The following CEP83 variants were observed in gnomAD, a reference collection of about 807,000 sequenced individuals.
CEP83 encodes the protein centrosomal protein 83.
CEP83 carries 70 observed loss-of-function variants against 101.9 expected under a neutral mutation model. The observed-to-expected ratio is 0.69, with a 90% CI of 0.57 to 0.84. The LOEUF (loss-of-function observed/expected upper bound fraction) is 0.84, where lower values mean the gene tolerates loss of function less well. CEP83 is among the 40% of genes least tolerant of loss of function. The pLI is 0.00. For synonymous variants in CEP83, 264 were observed against 267.9 expected, an observed-to-expected ratio of 0.99 and a Z score of 0.14; for missense variants, 715 against 787.2, an observed-to-expected ratio of 0.91 and a Z score of 1.10.
At chr12:94,408,994 A>G (rs141372203) in intron 4 of CEP83, among the ~76,000 whole-genome samples, 1 of 152,046 alleles carries the variant, frequency 6.6e-6, no homozygotes, top group East Asian at 1.9e-4. Flanking sequence ...AATATCTCTT[A>G]TATCTTTTTC....
chr12:94,444,067 T>C (rs1439337149), intron 1 of CEP83, among the ~76,000 whole-genome samples: 1 of 152,164 alleles, frequency 6.6e-6, no homozygotes, highest in Non-Finnish European at 1.5e-5. Flanking sequence ...CACTGTTTGC[T>C]AACCAATTAT....
At chr12:94,302,138 T>C (rs894915524), downstream of CEP83, among the ~76,000 whole-genome samples, 1 of 152,196 alleles carries the variant, frequency 6.6e-6, no homozygotes, top group East Asian at 1.9e-4. Context: ...ATTGCAACTA[T>C]TTCCCATTAC....
chr12:94,293,312 A>T, the CEP83 span, among the ~76,000 whole-genome samples: 1 of 152,230 alleles, frequency 6.6e-6, no homozygotes, highest in Non-Finnish European at 1.5e-5. Flanking sequence ...CTGTGGACTA[A>T]GGACCTACAT....
At chr12:94,396,956 T>C (rs1299643625) in intron 6 of CEP83, among the ~76,000 whole-genome samples, 1 of 152,236 alleles carries the variant, frequency 6.6e-6, no homozygotes, top group Non-Finnish European at 1.5e-5. Flanking sequence ...TTGAAACTAT[T>C]TGCTGTTTCA....
chr12:94,434,916 A>T (rs1406723328), intron 2 of CEP83, among the ~76,000 whole-genome samples: 1 of 152,206 alleles, frequency 6.6e-6, no homozygotes, highest in Non-Finnish European at 1.5e-5. Flanking sequence ...GGTGTTCAAA[A>T]AGTTTCAGAT....
the CEP83 span, among the ~76,000 whole-genome samples, chr12:94,274,068 C>T: frequency 6.1e-5 from 9 of 148,036 alleles, no homozygotes; most frequent in African/African-American, 2.0e-4. Context: ...CACCTGTAAT[C>T]CCAGCACTTT....
At chr12:94,329,990 C>A (rs2059135287) in intron 14 of CEP83, among the ~76,000 whole-genome samples, 1 of 152,142 alleles carries the variant, frequency 6.6e-6, no homozygotes, top group Non-Finnish European at 1.5e-5. Context: ...TCACTCCAAC[C>A]ATCAGCAACA....
chr12:94,436,504 G>T (rs1447509251), intron 1 of CEP83, among the ~76,000 whole-genome samples: 1 of 151,994 alleles, frequency 6.6e-6, no homozygotes, highest in Non-Finnish European at 1.5e-5. Context: ...CCAAAGACAG[G>T]GCTCTCGAAT....
intron 4 of CEP83, among the ~76,000 whole-genome samples, chr12:94,405,890 A>G (rs1358249854): frequency 6.6e-6 from 1 of 152,212 alleles, no homozygotes. Flanking sequence ...GAAGACCTAC[A>G]AAAAGTCTTG....
intron 4 of CEP83, among the ~76,000 whole-genome samples, chr12:94,407,059 G>A (rs915382469): frequency 2.0e-5 from 3 of 151,964 alleles, no homozygotes; most frequent in East Asian, 1.9e-4. Flanking sequence ...CTGAAAACAT[G>A]GCAACAGAAA....
At chr12:94,283,298 G>A in the CEP83 span, among the ~76,000 whole-genome samples, 416 of 152,300 alleles carry the variant, frequency 2.7e-3, 1 homozygote, top group African/African-American at 9.4e-3. Context: ...GGGCTAGGGT[G>A]CAGGCACATC....
At chr12:94,429,613 C>A (rs894767266) in intron 2 of CEP83, among the ~76,000 whole-genome samples, 2 of 152,214 alleles carry the variant, frequency 1.3e-5, no homozygotes, top group Non-Finnish European at 2.9e-5. Flanking sequence ...GTGCACGCCT[C>A]TGGCTCCAAT....
intron 14 of CEP83, among the ~76,000 whole-genome samples, chr12:94,314,439 A>G (rs1593087666): frequency 6.6e-6 from 1 of 152,196 alleles, no homozygotes; most frequent in East Asian, 1.9e-4. Flanking sequence ...ACTTTTGCCT[A>G]TTTTTGAACC....
chr12:94,414,729 C>A (rs975667840), intron 2 of CEP83, among the ~76,000 whole-genome samples: 5 of 152,084 alleles, frequency 3.3e-5, no homozygotes, highest in Admixed American at 1.3e-4. Flanking sequence ...TTACTCTTGA[C>A]TTCTAAAGCT....
intron 6 of CEP83, among the ~76,000 whole-genome samples, chr12:94,395,942 G>C (rs1287196680): frequency 6.6e-6 from 1 of 152,218 alleles, no homozygotes; most frequent in East Asian, 1.9e-4. Context: ...CAACCAGTTT[G>C]CGAAGCATGA....
At chr12:94,398,756 A>G (rs868810910) in intron 6 of CEP83, among the ~76,000 whole-genome samples, 2 of 152,312 alleles carry the variant, frequency 1.3e-5, no homozygotes, top group East Asian at 3.9e-4. Flanking sequence ...AATAAGGAAG[A>G]TATCGCTAAA....
At chr12:94,389,584 C>G (rs919709259) in intron 6 of CEP83, among the ~76,000 whole-genome samples, 1 of 152,166 alleles carries the variant, frequency 6.6e-6, no homozygotes, top group Non-Finnish European at 1.5e-5. Context: ...TCTGCATTTC[C>G]AACTGAGGTA....
chr12:94,410,810 G>A, intron 4 of CEP83, among the ~76,000 whole-genome samples: 1 of 152,140 alleles, frequency 6.6e-6, no homozygotes, highest in East Asian at 1.9e-4. Flanking sequence ...ATGAAACAGT[G>A]AGCATAGTGG....
At chr12:94,416,979 C>T (rs901923814) in intron 2 of CEP83, among the ~76,000 whole-genome samples, 6 of 151,936 alleles carry the variant, frequency 3.9e-5, no homozygotes, top group African/African-American at 1.5e-4. Context: ...CCCGCAACCC[C>T]CCTCCCAAAA....
Sources: allele counts gnomAD v4.1 joint callset (sites outside exome capture counted in the v4.1 genomes callset), GRCh38; gene constraint gnomAD v4.1.1; transcripts MANE v1.5; gene names NCBI Gene and HGNC (gene_info 2026-07-23, HGNC 2026-07-21).